Variants in VPS8 observed in about 807,000 individuals in gnomAD.
The protein encoded by VPS8 is VPS8 subunit of CORVET complex.
Under a neutral mutation model 216.4 loss-of-function variants are expected in VPS8, and 129 were observed. The observed-to-expected ratio is 0.60, with a 90% CI of 0.52 to 0.69. The LOEUF is 0.69. Ranked by LOEUF, VPS8 falls within the 30% of genes least tolerant of loss-of-function variation. The probability of loss-of-function intolerance (pLI) is 0.00; values close to 1 mark genes in which losing one functional copy is unlikely to be tolerated. For synonymous variants in VPS8, 571 were observed against 565.4 expected, an observed-to-expected ratio of 1.01 and a Z score of -0.14; for missense variants, 1,531 against 1,683.5, an observed-to-expected ratio of 0.91 and a Z score of 1.59.
chr3:184,938,644 T>TTC (rs1485904935), intron 35 of VPS8, among the ~76,000 whole-genome samples: 2 of 141,288 alleles, frequency 1.4e-5, no homozygotes, highest in Admixed American at 6.7e-5. Flanking sequence ...TTCTTTTCTT[T>TTC]TTTTCTTTTT....
chr3:184,926,707 A>C, intron 31 of VPS8, 57 bp downstream of exon 31: 1 of 1,524,566 alleles, frequency 6.6e-7, no homozygotes, highest in South Asian at 1.2e-5. Flanking sequence ...TAAGCCAGAA[A>C]GAATTCTTCT....
chr3:184,934,961 T>G (rs1293031446), intron 34 of VPS8, among the ~76,000 whole-genome samples: 1 of 152,190 alleles, frequency 6.6e-6, no homozygotes, highest in Non-Finnish European at 1.5e-5. Context: ...AACTTACCAG[T>G]GAGGCTATTT....
At chr3:184,967,577 C>G (rs1373560478) in intron 39 of VPS8, among the ~76,000 whole-genome samples, 1 of 152,050 alleles carries the variant, frequency 6.6e-6, no homozygotes, top group Non-Finnish European at 1.5e-5. Context: ...GTGGCTCACA[C>G]CTGTAATCCC....
intron 46 of VPS8, among the ~76,000 whole-genome samples, chr3:185,039,819 G>A (rs762944851): frequency 3.9e-5 from 6 of 152,038 alleles, no homozygotes; most frequent in Non-Finnish European, 7.4e-5. Context: ...TGACATCAGC[G>A]AGCTCATTCT....
chr3:185,025,031 T>C (rs1418024815), intron 46 of VPS8, among the ~76,000 whole-genome samples: 1 of 151,414 alleles, frequency 6.6e-6, no homozygotes. Flanking sequence ...AGAAAAAATG[T>C]GCTTTACTTC....
At chr3:185,000,591 G>C (rs1753270804) in intron 45 of VPS8, among the ~76,000 whole-genome samples, 2 of 145,496 alleles carry the variant, frequency 1.4e-5, no homozygotes, top group African/African-American at 5.1e-5. Flanking sequence ...AGTTGGGCTT[G>C]TTACTTTTCT....
chr3:185,027,497 C>T (rs552558756), intron 46 of VPS8, among the ~76,000 whole-genome samples: 4 of 152,220 alleles, frequency 2.6e-5, no homozygotes, highest in African/African-American at 9.6e-5. Flanking sequence ...CTGTCTCAGC[C>T]TCCCAAAGTG....
chr3:184,838,652 A>T (rs976637349), intron 5 of VPS8, 62 bp from the exon 6 acceptor site: 9 of 1,361,980 alleles, frequency 6.6e-6, no homozygotes, highest in Non-Finnish European at 4.0e-6. Flanking sequence ...CAAGAGCCAT[A>T]TACCATTTTC....
chr3:184,911,353 G>C (rs1370049179), intron 25 of VPS8, among the ~76,000 whole-genome samples: 8 of 152,198 alleles, frequency 5.3e-5, no homozygotes, highest in Non-Finnish European at 7.3e-5. Flanking sequence ...TCGTGAGCTA[G>C]ATATATTCTA....
chr3:184,888,921 A>G (rs968719810), intron 22 of VPS8, among the ~76,000 whole-genome samples: 1 of 152,206 alleles, frequency 6.6e-6, no homozygotes, highest in African/African-American at 2.4e-5. Flanking sequence ...ATTATCTTGA[A>G]TACTAGAATA....
chr3:185,048,595 C>G, intron 47 of VPS8, 36 bp downstream of exon 47: 1 of 1,609,308 alleles, frequency 6.2e-7, no homozygotes, highest in Non-Finnish European at 8.5e-7. Context: ...TTTTATTTCC[C>G]TATTTATAGT....
In VPS8 at chr3:185,052,079, G is replaced by A. The variant is rs1192582823; in HGVS notation, c.*54G>A. 2 of 1,547,948 alleles carry A rather than the reference G, an allele frequency of 1.3e-6. No homozygotes were observed. Among genetic ancestry groups the A allele is most frequent in the African/African-American group, 2.7e-5 (2 of 73,290 alleles). ...CCAGAGATGATCCCGAGGCAGCTGG[G>A]GAGAGGCCCCGCCTCTGGTGGGCTT... On this transcript the variant is annotated 3_prime_UTR_variant, in exon 48 of 48. Transcript: ENST00000625842.
chr3:185,022,403 T>C (rs1196708758), intron 45 of VPS8, among the ~76,000 whole-genome samples: 1 of 152,252 alleles, frequency 6.6e-6, no homozygotes, highest in Non-Finnish European at 1.5e-5. Flanking sequence ...TAGAATTCAC[T>C]GCTGAAACCC....
intron 9 of VPS8, 185 bp downstream of exon 9, chr3:184,849,380 C>CCAGA (rs143316661): frequency 0.011 from 6,801 of 602,282 alleles, 322 homozygotes; most frequent in African/African-American, 0.11. Flanking sequence ...ATCGACTGAC[C>CCAGA]CAGAGTCTGT....
chr3:184,932,617 T>A (rs1432808738), intron 34 of VPS8, among the ~76,000 whole-genome samples: 1 of 152,204 alleles, frequency 6.6e-6, no homozygotes, highest in Non-Finnish European at 1.5e-5. Context: ...GCCATTATCC[T>A]GGTTTTTGTG....
chr3:184,833,137 A>G (rs984176753), intron 4 of VPS8, among the ~76,000 whole-genome samples: 1 of 152,120 alleles, frequency 6.6e-6, no homozygotes, highest in Non-Finnish European at 1.5e-5. Context: ...TCACTGCCCT[A>G]CTGTTCTGCC....
chr3:184,898,578 G>T lies in VPS8; in HGVS notation c.2018G>T (p.Cys673Phe). ...TCCTTTTCACAGGTAGTTCTCATGTGTTGGGAAAATCGTTTATATGATGCT... is the reference window on the plus strand; with the variant it reads ...TCCTTTTCACAGGTAGTTCTCATGTTTTGGGAAAATCGTTTATATGATGCT... The part of the protein sequence containing the change: ...SLDIQQVVLM[C>F]WENRLYDAMI... Residue 673 changes from cysteine to phenylalanine, a missense_variant, in exon 24 of 48, where the codon TGT (cysteine) becomes TTT (phenylalanine). Physicochemically the swap from Cys to Phe is radical, Grantham distance 205 (BLOSUM62 -2). This residue lies in a region of VPS8 where 1,318 missense variants were observed against 1,468.4 expected (regional missense o/e 0.90). Coordinates refer to ENST00000625842, the MANE Select transcript of VPS8 (RefSeq NM_001009921.3). The T allele has an allele frequency of 6.4e-7, 1 of 1,553,050 alleles. No individual in the cohort carries two copies. The highest frequency in any genetic ancestry group is 8.7e-7 in the Non-Finnish European group (1 of 1,147,418).
At chr3:185,003,649 G>A (rs911663129) in intron 45 of VPS8, among the ~76,000 whole-genome samples, 3 of 151,882 alleles carry the variant, frequency 2.0e-5, no homozygotes, top group Non-Finnish European at 2.9e-5. Context: ...ATCATGGCCC[G>A]TTCTCAATGA....
At chr3:184,829,988 A>G (rs1258587874) in intron 3 of VPS8, among the ~76,000 whole-genome samples, 1 of 152,090 alleles carries the variant, frequency 6.6e-6, no homozygotes, top group Admixed American at 6.5e-5. Flanking sequence ...GTTTCTTTTG[A>G]GGAGCACAAG....
Sources: gnomAD v4.1 joint callset for allele counts (sites outside exome capture counted in the v4.1 genomes callset) on GRCh38, gnomAD v4.1.1 for gene constraint, gnomAD v4.1.1 regional missense constraint, MANE v1.5 for transcripts, NCBI Gene and HGNC (gene_info 2026-07-23, HGNC 2026-07-21) for gene names.